Variants in SMYD3 observed in about 807,000 individuals in gnomAD.
SMYD3 encodes SET and MYND domain containing 3, also known as histone-lysine N-methyltransferase SMYD3.
A neutral mutation model predicts 57.7 loss-of-function variants in SMYD3; 36 were observed. The observed-to-expected ratio is 0.62, with a 90% confidence interval of 0.48 to 0.82. The LOEUF is 0.82. SMYD3 is among the 40% of genes least tolerant of loss of function. SMYD3 has a pLI of 0.00. For missense variants in SMYD3, 515 were observed against 538.8 expected (o/e 0.96, Z 0.44); for synonymous variants, 211 against 195.0 (o/e 1.08, Z -0.68).
At chr1:246,480,826 G>A (rs930854244) in intron 1 of SMYD3, among the ~76,000 whole-genome samples, 1 of 150,992 alleles carries the variant, frequency 6.6e-6, no homozygotes, top group African/African-American at 2.4e-5. Context: ...ACAGAGTCTT[G>A]CTCTGTCACC....
At chr1:246,378,795 ATTTT>A (rs1407174655) in intron 1 of SMYD3, among the ~76,000 whole-genome samples, 1 of 110,934 alleles carries the variant, frequency 9.0e-6, no homozygotes, top group African/African-American at 3.8e-5. Context: ...TTAATATATT[ATTTT>A]TATATATTAT....
chr1:246,299,194 T>A (rs79060058), intron 5 of SMYD3, among the ~76,000 whole-genome samples: 1 of 152,218 alleles, frequency 6.6e-6, no homozygotes, highest in African/African-American at 2.4e-5. Context: ...AATAGCGTAC[T>A]GGTTCATTAA....
intron 5 of SMYD3, among the ~76,000 whole-genome samples, chr1:246,294,465 T>C (rs76565270): frequency 1.8e-4 from 27 of 152,348 alleles, no homozygotes; most frequent in Non-Finnish European, 3.1e-4. Context: ...GCCTGCTATG[T>C]GTCAGCACAG....
At chr1:246,121,397 C>T (rs576883309) in intron 5 of SMYD3, among the ~76,000 whole-genome samples, 1 of 135,316 alleles carries the variant, frequency 7.4e-6, no homozygotes, top group African/African-American at 2.9e-5. Flanking sequence ...TTGCTTTTCA[C>T]CATTACTATG....
chr1:245,971,313 G>A (rs2058294596), intron 5 of SMYD3, among the ~76,000 whole-genome samples: 1 of 152,156 alleles, frequency 6.6e-6, no homozygotes, highest in African/African-American at 2.4e-5. Context: ...GGGGCTAGGG[G>A]AGAGATAGCA....
chr1:246,492,988 T>G (rs2068294558), intron 1 of SMYD3, among the ~76,000 whole-genome samples: 1 of 152,232 alleles, frequency 6.6e-6, no homozygotes, highest in Non-Finnish European at 1.5e-5. Context: ...GTACATTGTT[T>G]CTTTTGTGGG....
At chr1:245,977,594 A>G (rs13376265) in intron 5 of SMYD3, among the ~76,000 whole-genome samples, 19,918 of 152,152 alleles carry the variant, frequency 0.13, 1,399 homozygotes, top group South Asian at 0.22. Context: ...CAGGAGAATT[A>G]CATGAACCCA....
At chr1:246,457,523 ACT>A (rs1218892983) in intron 1 of SMYD3, among the ~76,000 whole-genome samples, 1 of 113,660 alleles carries the variant, frequency 8.8e-6, no homozygotes, top group East Asian at 3.1e-4. Flanking sequence ...ACAGAGCGAG[ACT>A]CTGCCTCAAA....
intron 8 of SMYD3, among the ~76,000 whole-genome samples, chr1:245,911,588 C>A (rs1288595212): frequency 3.3e-5 from 5 of 151,778 alleles, no homozygotes; most frequent in African/African-American, 1.2e-4. Flanking sequence ...TTTGTAGCAA[C>A]ATGGATGGAA....
At chr1:245,959,140 CA>C (rs67056928) in intron 5 of SMYD3, among the ~76,000 whole-genome samples, 14,141 of 151,700 alleles carry the variant, frequency 0.093, 778 homozygotes, top group South Asian at 0.22. Flanking sequence ...AACAAACAAA[CA>C]AACAAAAAAC....
intron 2 of SMYD3, among the ~76,000 whole-genome samples, chr1:246,354,306 T>A (rs2065876587): frequency 6.6e-6 from 1 of 152,186 alleles, no homozygotes; most frequent in South Asian, 2.1e-4. Context: ...TTCAAGAATT[T>A]CAAAGATGTT....
chr1:245,954,898 T>C (rs1460688182), intron 5 of SMYD3, among the ~76,000 whole-genome samples: 2 of 152,222 alleles, frequency 1.3e-5, no homozygotes, highest in Non-Finnish European at 2.9e-5. Context: ...ATAAATCTTT[T>C]TTAAAAACAG....
intron 10 of SMYD3, among the ~76,000 whole-genome samples, chr1:245,838,284 T>C (rs1181588213): frequency 6.6e-6 from 1 of 152,230 alleles, no homozygotes; most frequent in Non-Finnish European, 1.5e-5. Context: ...ACCCCTCCCA[T>C]GAAGAGTCAG....
rs190265587 is a variant in SMYD3 at position 246,187,643 on chromosome 1, A to G, written c.531+139558T>C. ...AATTTCTTAATTAAAATATTTCTAG[A>G]TTCCGTTCATTTCTAAGCAAGACTG... On this transcript the variant is annotated intron_variant, in intron 5 of 11. Coordinates refer to ENST00000490107, the MANE Select transcript of SMYD3 (RefSeq NM_001167740.2). 2.6e-3 allele frequency among the ~76,000 whole-genome samples: 403 copies of G among 152,338 alleles called. 1 individual carries two copies. The highest frequency in any genetic ancestry group is 4.6e-3 in the Non-Finnish European group (315 of 68,030).
At chr1:246,324,731 T>C (rs969099239) in intron 5 of SMYD3, among the ~76,000 whole-genome samples, 3 of 151,726 alleles carry the variant, frequency 2.0e-5, no homozygotes, top group Non-Finnish European at 4.4e-5. Flanking sequence ...AAATCCTGTT[T>C]TATGTTATTT....
chr1:246,132,915 A>G (rs559891940), intron 5 of SMYD3, among the ~76,000 whole-genome samples: 1 of 152,292 alleles, frequency 6.6e-6, no homozygotes, highest in Admixed American at 6.5e-5. Flanking sequence ...GGAAATGCAT[A>G]TTGAAGCCAT....
At chr1:246,244,201 AT>A (rs1572269439) in intron 5 of SMYD3, among the ~76,000 whole-genome samples, 1 of 152,258 alleles carries the variant, frequency 6.6e-6, no homozygotes, top group South Asian at 2.1e-4. Context: ...TCAGCTACTC[AT>A]CACTCATTTC....
intron 5 of SMYD3, among the ~76,000 whole-genome samples, chr1:245,994,893 G>A (rs886203010): frequency 1.3e-5 from 2 of 152,152 alleles, no homozygotes; most frequent in African/African-American, 2.4e-5. Flanking sequence ...TTGGGAGGCC[G>A]AGGTGGGTGG....
intron 1 of SMYD3, among the ~76,000 whole-genome samples, chr1:246,504,698 C>G (rs1234727691): frequency 1.3e-5 from 2 of 152,086 alleles, no homozygotes; most frequent in Non-Finnish European, 2.9e-5. Flanking sequence ...AGCAGAAGGA[C>G]AGGGGCAGTT....
Sources: allele counts gnomAD v4.1 joint callset (sites outside exome capture counted in the v4.1 genomes callset), GRCh38; gene constraint gnomAD v4.1.1; transcripts MANE v1.5; gene names NCBI Gene and HGNC (gene_info 2026-07-23, HGNC 2026-07-21).